The following ANKFY1 variants were observed in gnomAD, a reference collection of about 807,000 sequenced individuals.
The protein encoded by ANKFY1 is ankyrin repeat and FYVE domain containing 1.
Under a neutral mutation model 128.3 loss-of-function variants are expected in ANKFY1, and 47 were observed. The ratio of observed to expected loss-of-function variants is 0.37; its 90% CI spans 0.29 to 0.47. The LOEUF (loss-of-function observed/expected upper bound fraction) is 0.47, where lower values mean the gene tolerates loss of function less well. Among genes scored for constraint, ANKFY1 ranks in the 20% least tolerant of loss-of-function variants. The probability of loss-of-function intolerance (pLI) is 1.00; values close to 1 mark genes in which losing one functional copy is unlikely to be tolerated. For synonymous variants in ANKFY1, 553 were observed against 601.6 expected (o/e 0.92, Z 1.18); for missense variants, 1,222 against 1,510.6 (o/e 0.81, Z 3.17).
At chr17:4,206,536 C>T in intron 6 of ANKFY1, 50 bp from the exon 7 acceptor site, 1 of 1,547,990 alleles carries the variant, frequency 6.5e-7, no homozygotes, top group Admixed American at 1.7e-5. Context: ...AGAATACGAC[C>T]TATTTTAATT....
intron 10 of ANKFY1, chr17:4,191,338 G>C (rs1398431016): frequency 1.3e-5 from 2 of 151,662 alleles, no homozygotes; most frequent in African/African-American, 2.4e-5. Context: ...CTCTAATCTG[G>C]AGACTCTTAG....
chr17:4,224,458 AT>A (rs2060387700), intron 3 of ANKFY1, among the ~76,000 whole-genome samples: 1 of 151,420 alleles, frequency 6.6e-6, no homozygotes, highest in African/African-American at 2.4e-5. Context: ...TTTTAATGTT[AT>A]TTTTTATCAC....
At chr17:4,208,845 G>T (rs1048933957) in intron 5 of ANKFY1, among the ~76,000 whole-genome samples, 3 of 152,150 alleles carry the variant, frequency 2.0e-5, no homozygotes, top group Non-Finnish European at 4.4e-5. Flanking sequence ...GATCACCTGA[G>T]GTTGGGAGTT....
intron 1 of ANKFY1, among the ~76,000 whole-genome samples, chr17:4,260,049 G>A (rs546295236): frequency 6.6e-6 from 1 of 152,316 alleles, no homozygotes; most frequent in South Asian, 2.1e-4. Flanking sequence ...GGGGCACAGT[G>A]AATGAAAGTA....
At chr17:4,188,308 C>T (rs1157380284) in intron 11 of ANKFY1, 1 of 152,380 alleles carries the variant, frequency 6.6e-6, no homozygotes. Flanking sequence ...TGGCACTGCC[C>T]TCTGTCCTGT....
chr17:4,234,153 A>G (rs1418172411), intron 3 of ANKFY1, among the ~76,000 whole-genome samples: 1 of 152,176 alleles, frequency 6.6e-6, no homozygotes. Flanking sequence ...AACATACTAT[A>G]CCATATAGCC....
At chr17:4,238,228 C>T (rs1001111888) in intron 2 of ANKFY1, among the ~76,000 whole-genome samples, 2 of 148,144 alleles carry the variant, frequency 1.4e-5, no homozygotes, top group African/African-American at 5.0e-5. Context: ...AAAACCTACA[C>T]ATCAGTCATT....
At chr17:4,240,913 G>A (rs1343289607) in intron 2 of ANKFY1, among the ~76,000 whole-genome samples, 1 of 152,104 alleles carries the variant, frequency 6.6e-6, no homozygotes, top group African/African-American at 2.4e-5. Context: ...CATCTTTGAG[G>A]CTTTTCTCAG....
intron 21 of ANKFY1, among the ~76,000 whole-genome samples, chr17:4,173,152 G>A (rs953935435): frequency 6.6e-6 from 1 of 152,350 alleles, no homozygotes; most frequent in East Asian, 1.9e-4. Context: ...CACTGCGCCC[G>A]GCCAAACCTT....
chr17:4,190,422 C>T (rs758199368), intron 10 of ANKFY1, among the ~76,000 whole-genome samples: 119 of 151,018 alleles, frequency 7.9e-4, no homozygotes, highest in Non-Finnish European at 1.5e-3. Context: ...GCCTGGGCGA[C>T]AGAACAAGAC....
chr17:4,199,107 C>G (rs2059881162), intron 7 of ANKFY1, among the ~76,000 whole-genome samples: 1 of 152,216 alleles, frequency 6.6e-6, no homozygotes, highest in Non-Finnish European at 1.5e-5. Context: ...CTGCAGTGGG[C>G]TATGACTGTG....
Position 4,167,223 on chromosome 17 carries a change from G to A in ANKFY1, c.*556C>T, listed in dbSNP as rs900296684. The A allele has an allele frequency of 3.9e-5, 6 of 152,656 alleles. No homozygotes were observed. The highest frequency in any genetic ancestry group is 1.4e-4 in the African/African-American group (6 of 41,456). 9.5% of individuals were successfully genotyped at this position (152,656 alleles called of 1,614,324 possible). A position where few individuals can be genotyped will look rare whatever the true frequency, so the allele number is the denominator to read the frequency against. ...TAAGAAAGATTTCACCTTTTTAAAA[G>A]GGGTAGCTCACTAAAAATACAGCTT... On this transcript the variant is annotated 3_prime_UTR_variant, in exon 25 of 25. Coordinates refer to ENST00000341657, the MANE Select transcript of ANKFY1 (RefSeq NM_001330063.2). The surrounding 1 kb of genome is among the most constrained non-coding windows in gnomAD (Gnocchi z 4.1).
rs551775974 is a variant in ANKFY1 at position 4,167,579 on chromosome 17, G to C, written c.*200C>G. On this transcript the variant is annotated 3_prime_UTR_variant, in exon 25 of 25. Coordinates refer to ENST00000341657, the MANE Select transcript of ANKFY1 (RefSeq NM_001330063.2). This position sits in a 1 kb window ranked among gnomAD's most constrained non-coding sequence, Gnocchi z 4.1. Reference sequence around the variant, plus strand: ...GATGAGTGAGACATCTAGTGAAATCGATCACAGTCTGACACACACACTGAC... The same window carrying C: ...GATGAGTGAGACATCTAGTGAAATCCATCACAGTCTGACACACACACTGAC... 5 of 490,562 alleles carry C rather than the reference G, an allele frequency of 1.0e-5. No homozygotes were observed. Among genetic ancestry groups the C allele is most frequent in the African/African-American group, 1.9e-5 (1 of 51,648 alleles). The allele number at this position is 490,562 out of a possible 1,614,324, so 30.4% of individuals were successfully genotyped here.
At chr17:4,174,192 A>C in intron 19 of ANKFY1, 136 bp from the exon 20 acceptor site, 1 of 930,570 alleles carries the variant, frequency 1.1e-6, no homozygotes, top group Non-Finnish European at 1.6e-6. Flanking sequence ...GGAGCATAGG[A>C]GCTTCACACA....
rs1298403816 is a variant in ANKFY1, at chr17:4,184,840, C to T, written c.1677G>A (p.Val559=). Residue 559 remains valine (V), a synonymous_variant, in exon 12 of 25, where the codon GTG becomes GTA. Transcript: ENST00000341657. ...TACCTTTCTGCTCCAGGATGACAGA[C>T]ACCACATCCGGATGGTTATAGGCGA... is the stretch of plus-strand genomic sequence containing the variant. ...MAIAYNHPDV[V]SVILEQKANA... The T allele has an allele frequency of 6.2e-7, 1 of 1,613,640 alleles. No individual in the cohort carries two copies. The highest frequency in any genetic ancestry group is 1.1e-5 in the South Asian group (1 of 91,086).
In ANKFY1 at chr17:4,172,670, G is replaced by C; in HGVS notation, c.3025C>G (p.Pro1009Ala). ...CCATATTGTCCCAAAATGTGCAGTG[G>C]TGACTGGCCTCTGATAAAACAAGTT... ...AEAFNLRGQS[P>A]LHILGQYGKE... Residue 1009 changes from proline to alanine, a missense_variant, in exon 22 of 25, where the codon CCA becomes GCA. Pro to Ala is a conservative substitution (Grantham distance 27, BLOSUM62 -1). Transcript: ENST00000341657. 4.3e-6 allele frequency: 7 copies of C among 1,614,012 alleles called. No individual in the cohort carries two copies. The highest frequency in any genetic ancestry group is 5.9e-6 in the Non-Finnish European group (7 of 1,179,982).
chr17:4,195,103 G>C lies in ANKFY1; in HGVS notation c.1247C>G (p.Ser416Cys). ...TTCGAAGGGGTTCACAGACTGGTCA[G>C]AAGACACTGTGATATGCTGCACTGC... Reference protein sequence around the residue: ...WLAVQHITVSSDQSVNPFEDV... With the variant: ...WLAVQHITVSCDQSVNPFEDV... The change falls in exon 10 of 25, where the codon TCT (serine) becomes TGT (cysteine). Residue 416 changes from serine (S) to cysteine (C), a missense_variant. Physicochemically the swap from Ser to Cys is moderately radical, Grantham distance 112 (BLOSUM62 -1). Coordinates refer to ENST00000341657, the MANE Select transcript of ANKFY1 (RefSeq NM_001330063.2). 6.2e-7 allele frequency: 1 copy of C among 1,614,202 alleles called. No individual in the cohort carries two copies.
intron 7 of ANKFY1, among the ~76,000 whole-genome samples, chr17:4,201,086 A>G (rs1289206509): frequency 6.6e-6 from 1 of 152,172 alleles, no homozygotes; most frequent in Non-Finnish European, 1.5e-5. Flanking sequence ...GCTGGAGTGC[A>G]GTGGTACCAT....
At chr17:4,227,463 G>A (rs928408611) in intron 3 of ANKFY1, among the ~76,000 whole-genome samples, 2 of 152,090 alleles carry the variant, frequency 1.3e-5, no homozygotes, top group Admixed American at 1.3e-4. Context: ...GAAAGTGTTT[G>A]GCAAAATTCA....
Sources: gnomAD v4.1 joint callset for allele counts (sites outside exome capture counted in the v4.1 genomes callset) on GRCh38, gnomAD v4.1.1 for gene constraint, Gnocchi (gnomAD v3.1) non-coding constraint, MANE v1.5 for transcripts, NCBI Gene and HGNC (gene_info 2026-07-23, HGNC 2026-07-21) for gene names.